The following CPVL variants were observed in gnomAD, a reference collection of about 807,000 sequenced individuals.
CPVL encodes carboxypeptidase vitellogenic like.
CPVL carries 51 observed loss-of-function variants against 63.7 expected under a neutral mutation model. The observed-to-expected ratio is 0.80, with a 90% confidence interval of 0.64 to 1.01. The LOEUF is 1.01. Ranked by LOEUF, CPVL falls within the 50% of genes least tolerant of loss-of-function variation. CPVL has a pLI of 0.00. For synonymous variants in CPVL, 195 were observed against 206.0 expected (o/e 0.95, Z 0.46); for missense variants, 530 against 573.1 (o/e 0.92, Z 0.77).
chr7:29,102,687 G>C (rs1029342785), intron 3 of CPVL, among the ~76,000 whole-genome samples: 2 of 152,074 alleles, frequency 1.3e-5, no homozygotes, highest in African/African-American at 4.8e-5. Context: ...CCCTTTATTG[G>C]AGCACAAGAA....
At chr7:29,048,439 G>C (rs1231192762) in intron 11 of CPVL, among the ~76,000 whole-genome samples, 3 of 152,080 alleles carry the variant, frequency 2.0e-5, no homozygotes. Context: ...CAAACTTAAA[G>C]CAACTGCAGT....
chr7:29,116,900 G>A (rs1788823888), intron 2 of CPVL, among the ~76,000 whole-genome samples: 3 of 152,222 alleles, frequency 2.0e-5, no homozygotes, highest in Admixed American at 6.5e-5. Context: ...TGTTTATCTC[G>A]AAAATGTTCC....
chr7:29,158,689 G>A (rs939494779), intron 5 of CPVL, among the ~76,000 whole-genome samples: 11 of 152,140 alleles, frequency 7.2e-5, no homozygotes, highest in Admixed American at 5.9e-4. Context: ...AGACATGGCC[G>A]TAGAGTTAAC....
chr7:29,164,679 G>T (rs1795658118), intron 5 of CPVL, among the ~76,000 whole-genome samples: 2 of 151,228 alleles, frequency 1.3e-5, no homozygotes, highest in Non-Finnish European at 2.9e-5. Flanking sequence ...ATCCCTGGTG[G>T]CTGAGGCAGG....
At chr7:29,003,158 A>G (rs956005808) in intron 12 of CPVL, among the ~76,000 whole-genome samples, 1 of 71,002 alleles carries the variant, frequency 1.4e-5, no homozygotes, top group South Asian at 3.7e-4. Context: ...GTATGTGCAC[A>G]CACACACACA....
At chr7:29,194,842 T>A in intron 1 of CPVL, 1 of 1,153,116 alleles carries the variant, frequency 8.7e-7, no homozygotes, top group Non-Finnish European at 1.1e-6. Context: ...GACTTTGCCA[T>A]GGGCTGGGGG....
At chr7:29,101,886 A>G (rs1787178470) in intron 3 of CPVL, among the ~76,000 whole-genome samples, 2 of 152,032 alleles carry the variant, frequency 1.3e-5, no homozygotes, top group South Asian at 2.1e-4. Context: ...GCTATACTCT[A>G]TATATGCTTA....
At chr7:29,189,978 C>A (rs1782683198) in intron 1 of CPVL, among the ~76,000 whole-genome samples, 1 of 152,200 alleles carries the variant, frequency 6.6e-6, no homozygotes, top group African/African-American at 2.4e-5. Context: ...GGTGTGGACT[C>A]CTCTTTGTTC....
chr7:29,008,058 G>A (rs1404564931), intron 12 of CPVL, among the ~76,000 whole-genome samples: 2 of 152,152 alleles, frequency 1.3e-5, no homozygotes, highest in Non-Finnish European at 1.5e-5. Flanking sequence ...GAAAGATCAA[G>A]CATACCAAGA....
At chr7:29,163,647 A>G (rs971242378) in intron 5 of CPVL, among the ~76,000 whole-genome samples, 8 of 152,216 alleles carry the variant, frequency 5.3e-5, no homozygotes, top group African/African-American at 1.4e-4. Context: ...CATGAAACCC[A>G]TCATCACAAG....
At chr7:29,131,329 T>C (rs1584355490) in intron 1 of CPVL, among the ~76,000 whole-genome samples, 1 of 152,246 alleles carries the variant, frequency 6.6e-6, no homozygotes, top group Non-Finnish European at 1.5e-5. Context: ...ATGAGGATAA[T>C]CCTAGTAAAT....
chr7:28,997,209 C>T (rs1438368147), intron 12 of CPVL, among the ~76,000 whole-genome samples: 1 of 152,162 alleles, frequency 6.6e-6, no homozygotes, highest in East Asian at 1.9e-4. Context: ...TGAGATGTCT[C>T]GTTCCATATG....
intron 11 of CPVL, among the ~76,000 whole-genome samples, chr7:29,060,760 CA>C (rs1791191265): frequency 6.6e-6 from 1 of 152,106 alleles, no homozygotes; most frequent in Non-Finnish European, 1.5e-5. Context: ...CCACATTGGC[CA>C]AAATGAACCC....
At chr7:29,092,292 T>TA (rs1584238022) in intron 6 of CPVL, among the ~76,000 whole-genome samples, 1 of 149,044 alleles carries the variant, frequency 6.7e-6, no homozygotes, top group Non-Finnish European at 1.5e-5. Flanking sequence ...AAGCAAAAAG[T>TA]AAAAAATTGC....
At chr7:29,178,475 A>G (rs1243125094) in intron 5 of CPVL, among the ~76,000 whole-genome samples, 1 of 151,938 alleles carries the variant, frequency 6.6e-6, no homozygotes, top group Non-Finnish European at 1.5e-5. Context: ...AGCCCTTTAA[A>G]TCTGCTGTTC....
chr7:29,129,033 T>A (rs1790393934), intron 1 of CPVL, among the ~76,000 whole-genome samples: 1 of 152,156 alleles, frequency 6.6e-6, no homozygotes, highest in East Asian at 1.9e-4. Flanking sequence ...GGGAGACCAC[T>A]GGAGAGTTTA....
chr7:29,139,494 C>T (rs530146756), intron 1 of CPVL, among the ~76,000 whole-genome samples: 1 of 143,236 alleles, frequency 7.0e-6, no homozygotes, highest in Non-Finnish European at 1.5e-5. Flanking sequence ...TGTCAGTGTT[C>T]GTAAGACAAC....
rs1783951999 is a variant in CPVL, at chr7:28,995,266, T to C, written c.*506A>G. The C allele has an allele frequency of 6.6e-6, 1 of 152,418 alleles. No homozygotes were observed. The highest frequency in any genetic ancestry group is 1.5e-5 in the Non-Finnish European group (1 of 68,196). 9.4% of individuals were successfully genotyped at this position (152,418 alleles called of 1,614,324 possible). ...ATATAATATTTTTATTTCAAAGAAT[T>C]CTTTTGTTCTAAGACTTTATACATT... On this transcript the variant is annotated 3_prime_UTR_variant, in exon 13 of 13. Coordinates refer to ENST00000265394, the MANE Select transcript of CPVL (RefSeq NM_031311.5).
chr7:29,132,453 G>A (rs558183143), intron 1 of CPVL, among the ~76,000 whole-genome samples: 16 of 152,152 alleles, frequency 1.1e-4, no homozygotes, highest in African/African-American at 1.4e-4. Context: ...GGGGTAGGGT[G>A]TCAGGCAGAA....
Sources: gnomAD v4.1 joint callset for allele counts (sites outside exome capture counted in the v4.1 genomes callset) on GRCh38, gnomAD v4.1.1 for gene constraint, MANE v1.5 for transcripts, NCBI Gene and HGNC (gene_info 2026-07-23, HGNC 2026-07-21) for gene names.